Variants in CCM2 observed in about 807,000 individuals in gnomAD.
The protein encoded by CCM2 is cerebral cavernous malformations 2 protein.
In CCM2, 25 loss-of-function variants were observed where a neutral mutation model predicts 44.9. That is an observed-to-expected ratio of 0.56 (90% confidence interval 0.41 to 0.78). The LOEUF (loss-of-function observed/expected upper bound fraction) is 0.78. Ranked by LOEUF, CCM2 falls within the 30% of genes least tolerant of loss-of-function variation. The pLI, the probability that CCM2 is intolerant of heterozygous loss-of-function variation, is 0.00. For synonymous variants in CCM2, 219 were observed against 241.1 expected (o/e 0.91, Z 0.85); for missense variants, 481 against 580.6 (o/e 0.83, Z 1.76).
chr7:45,061,563 G>A (rs926897216), intron 2 of CCM2, among the ~76,000 whole-genome samples: 2 of 151,342 alleles, frequency 1.3e-5, no homozygotes, highest in Non-Finnish European at 2.9e-5. Context: ...AACCTCCTGG[G>A]CTCAAATGAT....
At chr7:45,070,023 C>G (rs1583984284) in intron 6 of CCM2, 62 bp downstream of exon 6, 1 of 1,592,766 alleles carries the variant, frequency 6.3e-7, no homozygotes, top group East Asian at 2.2e-5. Context: ...CTGCAGTGGC[C>G]CCCAGCTCCC....
At chr7:45,069,724 A>T in intron 5 of CCM2, 102 bp from the exon 6 acceptor site, 1 of 1,438,860 alleles carries the variant, frequency 6.9e-7, no homozygotes, top group Non-Finnish European at 9.7e-7. Context: ...CTCTTCATTC[A>T]TGTTTATTGA....
At chr7:45,050,689 T>C (rs758012667) in intron 2 of CCM2, among the ~76,000 whole-genome samples, 1 of 152,248 alleles carries the variant, frequency 6.6e-6, no homozygotes, top group Non-Finnish European at 1.5e-5. Flanking sequence ...CCATTTTTTC[T>C]GTTGGGTTAT....
chr7:45,021,964 T>A (rs914322188), intron 1 of CCM2, among the ~76,000 whole-genome samples: 28 of 152,154 alleles, frequency 1.8e-4, no homozygotes, highest in Middle Eastern at 3.2e-3. Context: ...GTTAAAGAAC[T>A]TAAGGAAAAA....
At chr7:45,012,822 G>A (rs996575285) in intron 1 of CCM2, among the ~76,000 whole-genome samples, 3 of 151,930 alleles carry the variant, frequency 2.0e-5, no homozygotes, top group Non-Finnish European at 4.4e-5. Context: ...CTGGGGTTAC[G>A]GCCTTGAGCC....
chr7:45,030,604 C>G (rs770370447), intron 1 of CCM2, among the ~76,000 whole-genome samples: 5 of 152,124 alleles, frequency 3.3e-5, no homozygotes, highest in Non-Finnish European at 7.4e-5. Flanking sequence ...TTTTTAGAGA[C>G]AGGTCTCGCT....
chr7:45,059,851 C>T (rs1195), intron 2 of CCM2, among the ~76,000 whole-genome samples: 17,719 of 152,258 alleles, frequency 0.12, 1,298 homozygotes, highest in Middle Eastern at 0.17. Flanking sequence ...TGCTGCTTCA[C>T]AGGTAGTGCA....
rs190453845 is a variant in CCM2 at position 45,003,323 on chromosome 7, A to G, written c.30+2960A>G. 1.8e-4 allele frequency among the ~76,000 whole-genome samples: 27 copies of G among 152,056 alleles called. No homozygotes were observed. The East Asian group carries it at 2.7e-3, about 15-fold the overall frequency. On this transcript the variant is annotated intron_variant, in intron 1 of 9. Coordinates refer to ENST00000258781, the MANE Select transcript of CCM2 (RefSeq NM_031443.4). ...ACTCCGGATCTCAGGTGATCCACCCACCTTGGCCTCCCAAGGTGCTGGGTG... is the reference window on the plus strand; with the variant it reads ...ACTCCGGATCTCAGGTGATCCACCCGCCTTGGCCTCCCAAGGTGCTGGGTG...
At chr7:45,007,370 G>A (rs74552514) in intron 1 of CCM2, among the ~76,000 whole-genome samples, 5,021 of 152,224 alleles carry the variant, frequency 0.033, 100 homozygotes, top group Non-Finnish European at 0.053. Context: ...AGCGCGCTTC[G>A]CACTCCTTGG....
rs773864059 is a variant in CCM2, at chr7:45,076,190, C to A, written c.*133C>A. On this transcript the variant is annotated 3_prime_UTR_variant, in exon 10 of 10. Coordinates refer to ENST00000258781, the MANE Select transcript of CCM2 (RefSeq NM_031443.4). ...GGCGCCCGGTGCAGATGGCCCCGGG[C>A]GGCCCAGGTCCTCTACTGTGAAGGA... is the stretch of plus-strand genomic sequence containing the variant. The A allele has an allele frequency of 3.1e-6, 4 of 1,274,266 alleles. No individual in the cohort carries two copies. Among genetic ancestry groups the A allele is most frequent in the Admixed American group, 2.0e-5 (1 of 50,904 alleles). The allele number at this position is 1,274,266 out of a possible 1,614,324, so 78.9% of individuals were successfully genotyped here. A position where few individuals can be genotyped will look rare whatever the true frequency, so the allele number is the denominator to read the frequency against.
chr7:45,059,698 A>G (rs1020268094), intron 2 of CCM2, among the ~76,000 whole-genome samples: 1 of 152,054 alleles, frequency 6.6e-6, no homozygotes, highest in Admixed American at 6.5e-5. Flanking sequence ...TGATTGTGCC[A>G]CTGCACTCCA....
intron 4 of CCM2, among the ~76,000 whole-genome samples, chr7:45,066,576 T>C (rs940886761): frequency 2.0e-5 from 3 of 152,200 alleles, no homozygotes; most frequent in African/African-American, 4.8e-5. Context: ...AAAAGTACGC[T>C]GGTATTTGGG....
At chr7:45,044,226 C>T (rs750953836) in intron 2 of CCM2, among the ~76,000 whole-genome samples, 65 of 152,308 alleles carry the variant, frequency 4.3e-4, no homozygotes, top group Admixed American at 2.5e-3. Flanking sequence ...CTCCGCCTCC[C>T]GGGTTCACGC....
chr7:45,074,437 T>A (rs754081301), intron 9 of CCM2, 29 bp downstream of exon 9: 7 of 1,595,098 alleles, frequency 4.4e-6, no homozygotes, highest in Non-Finnish European at 6.0e-6. Context: ...GAGGGTGGCT[T>A]GTCCAAACCT....
At chr7:45,010,728 G>C (rs143605439) in intron 1 of CCM2, among the ~76,000 whole-genome samples, 1 of 152,052 alleles carries the variant, frequency 6.6e-6, no homozygotes. Context: ...CTCCTGAGTA[G>C]GTGGGATTAT....
chr7:45,002,117 C>T (rs1370045104), intron 1 of CCM2, among the ~76,000 whole-genome samples: 1 of 152,204 alleles, frequency 6.6e-6, no homozygotes, highest in Non-Finnish European at 1.5e-5. Flanking sequence ...TGTGAGATCA[C>T]CTCCAGTTTA....
intron 1 of CCM2, among the ~76,000 whole-genome samples, chr7:45,031,381 CA>C (rs35741858): frequency 0.11 from 6,054 of 57,544 alleles, 107 homozygotes; most frequent in African/African-American, 0.16. Flanking sequence ...GACTCCAGGT[CA>C]AAAAAAAAAA....
At chr7:45,047,787 C>G (rs1797829384) in intron 2 of CCM2, among the ~76,000 whole-genome samples, 1 of 152,186 alleles carries the variant, frequency 6.6e-6, no homozygotes, top group Non-Finnish European at 1.5e-5. Flanking sequence ...ACATCCATGT[C>G]CTGGTGTGAT....
chr7:45,018,597 G>A (rs1185126725), intron 1 of CCM2, among the ~76,000 whole-genome samples: 3 of 151,992 alleles, frequency 2.0e-5, no homozygotes, highest in Non-Finnish European at 4.4e-5. Context: ...CTGACCTCCA[G>A]TGATCTGCCT....
Sources: gnomAD v4.1 joint callset for allele counts (sites outside exome capture counted in the v4.1 genomes callset) on GRCh38, gnomAD v4.1.1 for gene constraint, MANE v1.5 for transcripts, NCBI Gene and HGNC (gene_info 2026-07-23, HGNC 2026-07-21) for gene names.